Variants in AHI1 observed in about 807,000 individuals in gnomAD.
The protein encoded by AHI1 is Abelson helper integration site 1.
Under a neutral mutation model 149.3 loss-of-function variants are expected in AHI1, and 123 were observed. That is an observed-to-expected ratio of 0.82 (90% CI 0.71 to 0.96). The LOEUF (loss-of-function observed/expected upper bound fraction) is 0.96, where lower values mean the gene tolerates loss of function less well. Among genes scored for constraint, AHI1 ranks in the 40% least tolerant of loss-of-function variants. The pLI is 0.00. For synonymous variants in AHI1, 475 were observed against 459.8 expected (o/e 1.03, Z -0.42); for missense variants, 1,439 against 1,422.7 (o/e 1.01, Z -0.18).
intron 21 of AHI1, among the ~76,000 whole-genome samples, chr6:135,410,182 C>T (rs1781378825): frequency 6.6e-6 from 1 of 152,142 alleles, no homozygotes; most frequent in African/African-American, 2.4e-5. Context: ...GCCTGGGCTA[C>T]ATACCAAGAC....
Position 135,466,274 on chromosome 6 carries a change from T to A in AHI1, c.289A>T (p.Thr97Ser), listed in dbSNP as rs1790742372. The change falls in exon 7 of 29, where the codon ACT (threonine) becomes TCT (serine). Residue 97 changes from threonine (T) to serine (S), a missense_variant. Physicochemically the swap from Thr to Ser is moderately conservative, Grantham distance 58 (BLOSUM62 1). Coordinates refer to ENST00000265602, the MANE Select transcript of AHI1 (RefSeq NM_001134831.2). ...TNNLKKSTRV[T>S]KNKLRNTQLA... is the part of the protein sequence containing the mutation. Reference sequence around the variant, plus strand: ...TGTGTGTTCCTCAATTTGTTTTTAGTGACTCTCGTGCTCTTCTTCAGGTTG... The same window carrying A: ...TGTGTGTTCCTCAATTTGTTTTTAGAGACTCTCGTGCTCTTCTTCAGGTTG... 1.2e-6 allele frequency: 2 copies of A among 1,613,850 alleles called. No individual in the cohort carries two copies. The highest frequency in any genetic ancestry group is 2.2e-5 in the South Asian group (2 of 91,086).
intron 24 of AHI1, among the ~76,000 whole-genome samples, chr6:135,357,344 G>C (rs997776861): frequency 6.6e-6 from 1 of 152,170 alleles, no homozygotes; most frequent in Non-Finnish European, 1.5e-5. Context: ...GACTTTCAAA[G>C]AAAATGTTCA....
intron 22 of AHI1, 45 bp downstream of exon 22, chr6:135,404,906 C>T: frequency 6.4e-7 from 1 of 1,573,022 alleles, no homozygotes; most frequent in East Asian, 2.2e-5. Flanking sequence ...TTTGGAGCAT[C>T]ACTATACCTT....
At chr6:135,360,472 G>A (rs1793688026) in intron 23 of AHI1, among the ~76,000 whole-genome samples, 1 of 152,168 alleles carries the variant, frequency 6.6e-6, no homozygotes, top group African/African-American at 2.4e-5. Flanking sequence ...GACTGGAACT[G>A]CAACTCTTTC....
intron 24 of AHI1, among the ~76,000 whole-genome samples, chr6:135,338,402 G>A (rs1245985979): frequency 3.3e-5 from 5 of 151,858 alleles, no homozygotes; most frequent in African/African-American, 9.7e-5. Context: ...AATGTAGACA[G>A]TTGATTAGGG....
intron 5 of AHI1, among the ~76,000 whole-genome samples, chr6:135,479,063 T>C (rs1247534193): frequency 6.6e-6 from 1 of 152,232 alleles, no homozygotes; most frequent in Non-Finnish European, 1.5e-5. Flanking sequence ...AGAGGATGTA[T>C]AGAAATGCTT....
chr6:135,345,220 G>C (rs1791016838), intron 24 of AHI1, among the ~76,000 whole-genome samples: 1 of 152,276 alleles, frequency 6.6e-6, no homozygotes, highest in Non-Finnish European at 1.5e-5. Context: ...TTCATGTCTG[G>C]TGTGATCGTA....
chr6:135,316,492 G>A (rs1160911209), intron 26 of AHI1, among the ~76,000 whole-genome samples: 10 of 151,986 alleles, frequency 6.6e-5, no homozygotes, highest in Non-Finnish European at 1.0e-4. Context: ...CAAATGCTTC[G>A]ACAACCTAAC....
At chr6:135,300,653 T>G in intron 26 of AHI1, 95 bp from the exon 27 acceptor site, 1 of 1,533,230 alleles carries the variant, frequency 6.5e-7, no homozygotes, top group Non-Finnish European at 8.8e-7. Flanking sequence ...ACTTCCTGAA[T>G]GGGGAGAGAA....
intron 4 of AHI1, among the ~76,000 whole-genome samples, chr6:135,491,352 A>T (rs1034087689): frequency 6.6e-6 from 1 of 152,146 alleles, no homozygotes; most frequent in Non-Finnish European, 1.5e-5. Context: ...CCTATGTTCT[A>T]GCTATAATAC....
At chr6:135,365,861 T>A (rs1235333782) in intron 23 of AHI1, among the ~76,000 whole-genome samples, 1 of 152,204 alleles carries the variant, frequency 6.6e-6, no homozygotes, top group Non-Finnish European at 1.5e-5. Flanking sequence ...ACAGAAGTGG[T>A]GAAAGTGGGC....
chr6:135,314,459 A>C (rs1427627559), intron 26 of AHI1, among the ~76,000 whole-genome samples: 1 of 152,210 alleles, frequency 6.6e-6, no homozygotes, highest in Non-Finnish European at 1.5e-5. Flanking sequence ...GTTACAGCAG[A>C]CACAACTAAG....
chr6:135,373,951 G>A (rs572190210), intron 23 of AHI1, among the ~76,000 whole-genome samples: 2 of 151,654 alleles, frequency 1.3e-5, no homozygotes, highest in South Asian at 2.1e-4. Flanking sequence ...CAATCCCCGG[G>A]GATCTTTCTA....
rs187251723 is a variant in AHI1 at position 135,342,659 on chromosome 6, T to G, written c.3165+15473A>C. ...GGTAAGATCCACAGAACAAACTCAG[T>G]AGATATGGAAAATCATTTAATAAAA... is the stretch of plus-strand genomic sequence containing the variant. On this transcript the variant is annotated intron_variant, in intron 24 of 28. Transcript: ENST00000265602. 1.9e-4 allele frequency among the ~76,000 whole-genome samples: 29 copies of G among 151,896 alleles called. 1 individual carries two copies. In the East Asian group the frequency reaches 5.0e-3, roughly 26 times the overall value.
intron 23 of AHI1, among the ~76,000 whole-genome samples, chr6:135,377,304 A>T (rs1562616221): frequency 1.3e-5 from 2 of 152,202 alleles, no homozygotes. Flanking sequence ...GTTGGGGAAT[A>T]ATAGGCCCTG....
intron 16 of AHI1, among the ~76,000 whole-genome samples, chr6:135,431,999 CTTTTT>C (rs199839132): frequency 4.5e-5 from 6 of 132,826 alleles, no homozygotes; most frequent in Non-Finnish European, 5.0e-5. Flanking sequence ...GACCAATTTC[CTTTTT>C]TTTTTTTTTT....
At chr6:135,349,513 C>T (rs1562552050) in intron 24 of AHI1, among the ~76,000 whole-genome samples, 3 of 152,170 alleles carry the variant, frequency 2.0e-5, no homozygotes, top group South Asian at 2.1e-4. Flanking sequence ...GGTGGAGAGA[C>T]TGGGCCCTAT....
chr6:135,434,970 C>T (rs1785185771), intron 15 of AHI1, among the ~76,000 whole-genome samples: 1 of 152,064 alleles, frequency 6.6e-6, no homozygotes, highest in African/African-American at 2.4e-5. Flanking sequence ...AGGATAAACC[C>T]ATATGGCAGA....
At chr6:135,303,582 G>T (rs1250604722) in intron 26 of AHI1, among the ~76,000 whole-genome samples, 1 of 151,426 alleles carries the variant, frequency 6.6e-6, no homozygotes. Flanking sequence ...GAAAGTAGGT[G>T]AGGGTTCAAA....
Sources: allele counts gnomAD v4.1 joint callset (sites outside exome capture counted in the v4.1 genomes callset), GRCh38; gene constraint gnomAD v4.1.1; transcripts MANE v1.5; gene names NCBI Gene and HGNC (gene_info 2026-07-23, HGNC 2026-07-21).